Variants in SNX30 observed in about 807,000 individuals in gnomAD.
SNX30 encodes the protein sorting nexin family member 30.
Under a neutral mutation model 46.4 loss-of-function variants are expected in SNX30, and 24 were observed. The ratio of observed to expected loss-of-function variants is 0.52; its 90% confidence interval spans 0.37 to 0.73. The LOEUF is 0.73. Ranked by LOEUF, SNX30 falls within the 30% of genes least tolerant of loss-of-function variation. The pLI, the probability that SNX30 is intolerant of heterozygous loss-of-function variation, is 0.00. For missense variants in SNX30, 533 were observed against 555.7 expected, an observed-to-expected ratio of 0.96 and a Z score of 0.41; for synonymous variants, 189 against 211.5, an observed-to-expected ratio of 0.89 and a Z score of 0.92.
At chr9:112,761,581 A>G (rs1055814431) in intron 1 of SNX30, among the ~76,000 whole-genome samples, 1 of 152,204 alleles carries the variant, frequency 6.6e-6, no homozygotes, top group African/African-American at 2.4e-5. Context: ...GTTGCCTGAC[A>G]AGAGAAAGAT....
At chr9:112,792,883 T>TG (rs1439781357) in intron 1 of SNX30, among the ~76,000 whole-genome samples, 2 of 778 alleles carry the variant, frequency 2.6e-3, no homozygotes. Flanking sequence ...TTCTTTAGGC[T>TG]TTTTTTTTTC....
chr9:112,866,435 C>A (rs1402491948), intron 8 of SNX30: 1 of 470,566 alleles, frequency 2.1e-6, no homozygotes, highest in Non-Finnish European at 4.4e-6. Flanking sequence ...CATTTGAGGA[C>A]CAAATAGAAA....
chr9:112,810,239 G>A (rs557571729), intron 2 of SNX30, among the ~76,000 whole-genome samples: 1 of 152,276 alleles, frequency 6.6e-6, no homozygotes, highest in Non-Finnish European at 1.5e-5. Context: ...GTGAGCTGAC[G>A]TAAGGGAGTA....
intron 1 of SNX30, among the ~76,000 whole-genome samples, chr9:112,787,182 A>G (rs1839942915): frequency 6.6e-6 from 1 of 152,212 alleles, no homozygotes; most frequent in African/African-American, 2.4e-5. Flanking sequence ...GAAAAGTTCC[A>G]CGGAAAAACA....
At chr9:112,883,820 C>T (rs1398817063), downstream of SNX30, among the ~76,000 whole-genome samples, 9 of 151,922 alleles carry the variant, frequency 5.9e-5, no homozygotes, top group East Asian at 1.7e-3. Flanking sequence ...GCCTCAGCCT[C>T]CCGAATAACT....
chr9:112,841,300 G>A (rs886391841), intron 6 of SNX30, among the ~76,000 whole-genome samples: 3 of 152,178 alleles, frequency 2.0e-5, no homozygotes, highest in African/African-American at 7.2e-5. Context: ...CATATAGCAA[G>A]GATTTATCTG....
chr9:112,763,846 TAAAA>T (rs60051703), intron 1 of SNX30, among the ~76,000 whole-genome samples: 2 of 123,580 alleles, frequency 1.6e-5, no homozygotes, highest in African/African-American at 2.9e-5. Context: ...AGACTCTGAC[TAAAA>T]AAAAAAAAAA....
intron 1 of SNX30, among the ~76,000 whole-genome samples, chr9:112,794,706 C>G (rs1026764609): frequency 1.4e-4 from 21 of 152,258 alleles, no homozygotes; most frequent in African/African-American, 5.1e-4. Flanking sequence ...CTATACCACT[C>G]TCTTCATAAA....
intron 1 of SNX30, among the ~76,000 whole-genome samples, chr9:112,785,931 CTAAA>C (rs1839916986): frequency 6.6e-6 from 1 of 152,172 alleles, no homozygotes; most frequent in African/African-American, 2.4e-5. Flanking sequence ...ATAACCTTAA[CTAAA>C]TAATAATAAT....
chr9:112,837,117 T>G (rs1840768084), intron 5 of SNX30, among the ~76,000 whole-genome samples: 1 of 152,238 alleles, frequency 6.6e-6, no homozygotes, highest in Non-Finnish European at 1.5e-5. Flanking sequence ...CATCGGTCAC[T>G]AAGCCATGAT....
At chr9:112,780,300 A>G (rs1839825505) in intron 1 of SNX30, among the ~76,000 whole-genome samples, 1 of 152,240 alleles carries the variant, frequency 6.6e-6, no homozygotes, top group Non-Finnish European at 1.5e-5. Context: ...AGAGTTTTGG[A>G]GATTGTTTCC....
chr9:112,854,650 A>C (rs1841091229), intron 7 of SNX30, among the ~76,000 whole-genome samples: 1 of 152,222 alleles, frequency 6.6e-6, no homozygotes, highest in Non-Finnish European at 1.5e-5. Context: ...GTAATGTAAC[A>C]GTGGCAGCAG....
intron 1 of SNX30, among the ~76,000 whole-genome samples, chr9:112,797,609 ATCTT>A (rs1372376466): frequency 2.0e-5 from 3 of 151,706 alleles, no homozygotes; most frequent in African/African-American, 7.3e-5. Flanking sequence ...ATATCTCAAA[ATCTT>A]TATCTTTTTG....
In SNX30 at chr9:112,850,898, G is replaced by A. The variant is rs1841013679; in HGVS notation, c.1054G>A (p.Glu352Lys). 6.2e-7 allele frequency: 1 copy of A among 1,613,900 alleles called. No homozygotes were observed. Among genetic ancestry groups the A allele is most frequent in the Admixed American group, 1.7e-5 (1 of 60,006 alleles). Residue 352 changes from glutamate to lysine, a missense_variant, in exon 7 of 9, where the codon GAA becomes AAA. Physicochemically the swap from Glu to Lys is moderately conservative, Grantham distance 56 (BLOSUM62 1). Transcript: ENST00000374232. ...GAGGGACCAAGTTCAAGCAGAGTAT[G>A]AAGCCAAACTGGAAGCTGTGGCTCT... ...KKRDQVQAEYEAKLEAVALRK... is the reference protein window; with the variant it reads ...KKRDQVQAEYKAKLEAVALRK...
chr9:112,752,885 C>T (rs1274734171), intron 1 of SNX30, among the ~76,000 whole-genome samples: 1 of 152,162 alleles, frequency 6.6e-6, no homozygotes, highest in Non-Finnish European at 1.5e-5. Flanking sequence ...GGGGAGGATC[C>T]ACTTCTAAGC....
chr9:112,797,371 A>G (rs990967657), intron 1 of SNX30, among the ~76,000 whole-genome samples: 1 of 152,236 alleles, frequency 6.6e-6, no homozygotes, highest in Non-Finnish European at 1.5e-5. Context: ...AAAAGGGAAG[A>G]GAATTGTATA....
chr9:112,883,658 G>GA (rs1365292686), downstream of SNX30, among the ~76,000 whole-genome samples: 2 of 150,832 alleles, frequency 1.3e-5, no homozygotes, highest in African/African-American at 4.9e-5. Context: ...ATTCTGTTGG[G>GA]ATAGCTTGGC....
At chr9:112,773,513 A>C (rs1240782712) in intron 1 of SNX30, among the ~76,000 whole-genome samples, 3 of 152,056 alleles carry the variant, frequency 2.0e-5, no homozygotes, top group African/African-American at 7.3e-5. Flanking sequence ...AGTAGCTAAG[A>C]CTTACATATA....
At chr9:112,881,158 A>G (rs1317195340) in intron 5 of SNX30, among the ~76,000 whole-genome samples, 2 of 152,242 alleles carry the variant, frequency 1.3e-5, no homozygotes, top group Non-Finnish European at 2.9e-5. Flanking sequence ...GTCCTGGATC[A>G]GTGTGACTTA....
Sources: gnomAD v4.1 joint callset for allele counts (sites outside exome capture counted in the v4.1 genomes callset) on GRCh38, gnomAD v4.1.1 for gene constraint, MANE v1.5 for transcripts, NCBI Gene and HGNC (gene_info 2026-07-23, HGNC 2026-07-21) for gene names.